The following ARL15 variants were observed in gnomAD, a reference collection of about 807,000 sequenced individuals.
The protein encoded by ARL15 is ARF like GTPase 15, also known as ADP-ribosylation factor-like protein 15.
Under a neutral mutation model 25.2 loss-of-function variants are expected in ARL15, and 19 were observed. That is an observed-to-expected ratio of 0.75 (90% CI 0.53 to 1.10). The LOEUF is 1.10. Among genes scored for constraint, ARL15 ranks in the 50% least tolerant of loss-of-function variants. The pLI is 0.00. For synonymous variants in ARL15, 94 were observed against 86.8 expected, an observed-to-expected ratio of 1.08 and a Z score of -0.46; for missense variants, 220 against 246.0, an observed-to-expected ratio of 0.89 and a Z score of 0.71.
In ARL15 at chr5:53,958,110, T is replaced by C. The variant is rs191360222; in HGVS notation, c.463-71397A>G. Among the ~76,000 whole-genome samples the C allele has an allele frequency of 2.4e-4, 37 of 151,282 alleles. No individual in the cohort carries two copies. In the East Asian group the frequency reaches 7.0e-3, roughly 29 times the overall value. On this transcript the variant is annotated intron_variant, in intron 4 of 4. Transcript: ENST00000504924. ...CTGTAATCCCAGCTACTAAGGAGGC[T>C]GAGACAGGAGAATCGCTTGAGCCTG...
chr5:54,222,619 A>G (rs765139088), intron 1 of ARL15, among the ~76,000 whole-genome samples: 4 of 152,162 alleles, frequency 2.6e-5, no homozygotes, highest in Non-Finnish European at 5.9e-5. Flanking sequence ...AAGGTAGGGA[A>G]TGGGGTGAGG....
intron 1 of ARL15, among the ~76,000 whole-genome samples, chr5:54,235,445 C>T (rs181279928): frequency 4.0e-5 from 6 of 151,406 alleles, no homozygotes; most frequent in Non-Finnish European, 7.4e-5. Context: ...AATGTACGCA[C>T]GTGTACCCAT....
chr5:54,193,988 T>C (rs1381700756), intron 1 of ARL15, among the ~76,000 whole-genome samples: 12 of 152,128 alleles, frequency 7.9e-5, no homozygotes, highest in Admixed American at 7.9e-4. Flanking sequence ...ATTTAATAAC[T>C]GTAAATAAAA....
chr5:54,055,072 C>T (rs1245805026), intron 4 of ARL15, among the ~76,000 whole-genome samples: 1 of 152,114 alleles, frequency 6.6e-6, no homozygotes, highest in African/African-American at 2.4e-5. Context: ...AGTTTTGCGA[C>T]CATCACCGTA....
At chr5:54,222,731 T>C (rs1756411983) in intron 1 of ARL15, among the ~76,000 whole-genome samples, 1 of 152,174 alleles carries the variant, frequency 6.6e-6, no homozygotes. Flanking sequence ...CCCACCCAGT[T>C]ACTGTGGGAA....
intron 3 of ARL15, among the ~76,000 whole-genome samples, chr5:54,146,431 C>G (rs936552137): frequency 6.6e-6 from 1 of 152,106 alleles, no homozygotes; most frequent in East Asian, 1.9e-4. Flanking sequence ...AAATAAGTAG[C>G]CTTGGAAAAG....
At chr5:53,963,388 A>G (rs1263410996) in intron 4 of ARL15, among the ~76,000 whole-genome samples, 1 of 152,266 alleles carries the variant, frequency 6.6e-6, no homozygotes, top group Non-Finnish European at 1.5e-5. Context: ...GAGCCAGCAC[A>G]GAAACTCATA....
intron 1 of ARL15, among the ~76,000 whole-genome samples, chr5:54,214,964 T>C (rs540182277): frequency 1.1e-4 from 17 of 152,010 alleles, no homozygotes; most frequent in Non-Finnish European, 2.1e-4. Context: ...ATCACGTTAC[T>C]CCAGAGTAAC....
chr5:54,001,291 T>C (rs1018321100), intron 4 of ARL15, among the ~76,000 whole-genome samples: 2 of 152,166 alleles, frequency 1.3e-5, no homozygotes, highest in African/African-American at 4.8e-5. Flanking sequence ...CCACTATCTT[T>C]TCCATCTCTT....
chr5:54,091,879 G>A (rs994217298), intron 4 of ARL15, among the ~76,000 whole-genome samples: 1 of 152,260 alleles, frequency 6.6e-6, no homozygotes, highest in East Asian at 1.9e-4. Flanking sequence ...TACCATAGAG[G>A]GCGGAGAGTG....
At chr5:54,241,998 G>A (rs1380989023) in intron 1 of ARL15, among the ~76,000 whole-genome samples, 1 of 152,178 alleles carries the variant, frequency 6.6e-6, no homozygotes, top group East Asian at 1.9e-4. Flanking sequence ...TACAAAGGCA[G>A]AAATCGGGCT....
At chr5:54,140,002 G>A (rs543037390) in intron 3 of ARL15, among the ~76,000 whole-genome samples, 5 of 152,070 alleles carry the variant, frequency 3.3e-5, no homozygotes, top group African/African-American at 9.6e-5. Flanking sequence ...AGATAATTTC[G>A]CCCTACAACT....
At chr5:54,185,067 G>A (rs1000876769) in intron 1 of ARL15, among the ~76,000 whole-genome samples, 1 of 152,112 alleles carries the variant, frequency 6.6e-6, no homozygotes, top group Non-Finnish European at 1.5e-5. Flanking sequence ...TCCAATAGTT[G>A]TTATGGGGAC....
intron 1 of ARL15, among the ~76,000 whole-genome samples, chr5:54,224,815 A>G (rs1390528347): frequency 6.6e-6 from 1 of 152,252 alleles, no homozygotes; most frequent in Non-Finnish European, 1.5e-5. Flanking sequence ...AAAAAAATAA[A>G]GCAAAAAGAC....
chr5:54,053,568 G>T (rs1377250636), intron 4 of ARL15, among the ~76,000 whole-genome samples: 1 of 152,156 alleles, frequency 6.6e-6, no homozygotes, highest in African/African-American at 2.4e-5. Flanking sequence ...CCTCAAGCAG[G>T]TGATAAAAGT....
chr5:53,969,194 C>A (rs188689243), intron 4 of ARL15, among the ~76,000 whole-genome samples: 131 of 152,226 alleles, frequency 8.6e-4, no homozygotes, highest in Non-Finnish European at 1.5e-3. Flanking sequence ...AAGGCACATA[C>A]ATGCTAGTGT....
At chr5:54,146,801 A>G (rs540704887) in intron 3 of ARL15, among the ~76,000 whole-genome samples, 46 of 152,306 alleles carry the variant, frequency 3.0e-4, no homozygotes, top group African/African-American at 1.0e-3. Context: ...AACATTCTAC[A>G]TGTATATACA....
chr5:54,203,707 T>C (rs1034595365), intron 1 of ARL15, among the ~76,000 whole-genome samples: 17 of 152,160 alleles, frequency 1.1e-4, no homozygotes, highest in African/African-American at 3.9e-4. Context: ...TTTATGTATG[T>C]GTAGAACCAT....
chr5:54,251,697 A>C (rs945779745), intron 1 of ARL15, among the ~76,000 whole-genome samples: 1 of 152,250 alleles, frequency 6.6e-6, no homozygotes, highest in Non-Finnish European at 1.5e-5. Flanking sequence ...TAACTTCTTC[A>C]GTGTCCACCA....
Sources: gnomAD v4.1 joint callset for allele counts (sites outside exome capture counted in the v4.1 genomes callset) on GRCh38, gnomAD v4.1.1 for gene constraint, MANE v1.5 for transcripts, NCBI Gene and HGNC (gene_info 2026-07-23, HGNC 2026-07-21) for gene names.